ZPBP: variants seen among roughly 807,000 people sequenced by gnomAD.
ZPBP encodes the protein zona pellucida binding protein.
In ZPBP, 26 loss-of-function variants were observed where a neutral mutation model predicts 44.8. The ratio of observed to expected loss-of-function variants is 0.58; its 90% confidence interval spans 0.43 to 0.81. The LOEUF is 0.81. ZPBP is among the 30% of genes least tolerant of loss of function. ZPBP has a pLI of 0.00. For synonymous variants in ZPBP, 174 were observed against 153.2 expected (o/e 1.14, Z -1.00); for missense variants, 409 against 434.0 (o/e 0.94, Z 0.51).
chr7:50,022,710 C>G (rs1014928046), intron 5 of ZPBP, among the ~76,000 whole-genome samples: 1 of 151,974 alleles, frequency 6.6e-6, no homozygotes, highest in Non-Finnish European at 1.5e-5. Context: ...TTTTCTTAGA[C>G]CCATCAGAAA....
intron 6 of ZPBP, among the ~76,000 whole-genome samples, chr7:49,992,078 G>A (rs1180855698): frequency 6.6e-6 from 1 of 152,078 alleles, no homozygotes; most frequent in Non-Finnish European, 1.5e-5. Flanking sequence ...ACAAAGGGGA[G>A]AAAACAAGGA....
chr7:50,077,832 G>A (rs1321486970), intron 3 of ZPBP, among the ~76,000 whole-genome samples: 5 of 151,854 alleles, frequency 3.3e-5, no homozygotes, highest in South Asian at 2.1e-4. Flanking sequence ...GAACAGTTTG[G>A]AGGCTTCTCA....
At chr7:49,967,890 G>A (rs1312451814) in intron 7 of ZPBP, among the ~76,000 whole-genome samples, 2 of 152,082 alleles carry the variant, frequency 1.3e-5, no homozygotes, top group Non-Finnish European at 2.9e-5. Context: ...TGGATGGGCA[G>A]GAATTTTTGA....
chr7:49,904,880 C>G (rs1031751582), intron 1 of ZPBP, among the ~76,000 whole-genome samples: 4 of 151,818 alleles, frequency 2.6e-5, no homozygotes. Context: ...GGATTATAGG[C>G]ACCTGCCACT....
intron 3 of ZPBP, among the ~76,000 whole-genome samples, chr7:50,064,420 G>A (rs543133987): frequency 2.2e-4 from 33 of 152,206 alleles, no homozygotes; most frequent in East Asian, 5.8e-4. Context: ...GAGATCAACC[G>A]GTCTGACCAA....
At chr7:49,853,961 G>A (rs541222769) in intron 2 of ZPBP, among the ~76,000 whole-genome samples, 34 of 150,130 alleles carry the variant, frequency 2.3e-4, no homozygotes, top group Non-Finnish European at 4.3e-4. Context: ...GAGAACATGC[G>A]GTGTTTGGTT....
chr7:49,892,775 T>C (rs1281930474), intron 2 of ZPBP, among the ~76,000 whole-genome samples: 1 of 152,230 alleles, frequency 6.6e-6, no homozygotes, highest in Non-Finnish European at 1.5e-5. Context: ...TATTCGTTCA[T>C]TTTTCAAACA....
At chr7:49,982,450 TC>T (rs1414029765) in intron 7 of ZPBP, among the ~76,000 whole-genome samples, 1 of 146,250 alleles carries the variant, frequency 6.8e-6, no homozygotes, top group Non-Finnish European at 1.5e-5. Context: ...GTATTCTATT[TC>T]CTAATATTCC....
chr7:49,897,795 GA>G (rs1792463323), intron 2 of ZPBP, among the ~76,000 whole-genome samples: 1 of 152,180 alleles, frequency 6.6e-6, no homozygotes, highest in Admixed American at 6.5e-5. Flanking sequence ...GGACAAGCTT[GA>G]AAGTAAAAAA....
At chr7:49,895,638 A>G (rs1275291754) in intron 2 of ZPBP, among the ~76,000 whole-genome samples, 3 of 152,162 alleles carry the variant, frequency 2.0e-5, no homozygotes, top group Non-Finnish European at 2.9e-5. Context: ...AATCAACACA[A>G]TGTAACATAT....
At chr7:49,858,964 A>G (rs1790539229) in intron 2 of ZPBP, among the ~76,000 whole-genome samples, 1 of 152,198 alleles carries the variant, frequency 6.6e-6, no homozygotes, top group Non-Finnish European at 1.5e-5. Context: ...GTTTATCAGA[A>G]TATGTCAGGA....
At chr7:50,055,268 A>G (rs1017956149) in intron 4 of ZPBP, among the ~76,000 whole-genome samples, 1 of 152,178 alleles carries the variant, frequency 6.6e-6, no homozygotes, top group African/African-American at 2.4e-5. Flanking sequence ...GAAACAAACT[A>G]AATAATAATT....
intron 4 of ZPBP, among the ~76,000 whole-genome samples, chr7:50,037,029 C>A (rs1799859121): frequency 6.6e-6 from 1 of 151,840 alleles, no homozygotes; most frequent in Admixed American, 6.6e-5. Context: ...CTACACAAAA[C>A]ACTATAAATA....
intron 5 of ZPBP, among the ~76,000 whole-genome samples, chr7:50,018,667 CTA>C (rs1328530651): frequency 1.3e-5 from 2 of 151,834 alleles, no homozygotes; most frequent in African/African-American, 4.8e-5. Context: ...GTATTTAACT[CTA>C]TATAATATAC....
intron 2 of ZPBP, among the ~76,000 whole-genome samples, chr7:49,886,068 T>G (rs1354098883): frequency 6.6e-6 from 1 of 152,122 alleles, no homozygotes; most frequent in African/African-American, 2.4e-5. Context: ...AGCCTGGAGA[T>G]AGGGGAGAGG....
Position 49,982,247 on chromosome 7 carries a change from T to A in ZPBP, c.961+1095A>T, listed in dbSNP as rs1487313781. 3.7e-5 allele frequency among the ~76,000 whole-genome samples: 4 copies of A among 109,410 alleles called. No individual in the cohort carries two copies. The Admixed American group carries it at 5.4e-4, about 15-fold the overall frequency. The allele number at this position is 109,410 out of a possible 152,430, so 71.8% of individuals were successfully genotyped here. A position where few individuals can be genotyped will look rare whatever the true frequency, so the allele number is the denominator to read the frequency against. On this transcript the variant is annotated intron_variant, in intron 7 of 7. Transcript: ENST00000046087. Reference sequence around the variant, plus strand: ...TATATAATATATAATATAATTATATTATATATTTATATTATATATTATATA... The same window carrying A: ...TATATAATATATAATATAATTATATAATATATTTATATTATATATTATATA...
chr7:50,048,513 TAAAATTA>T (rs1030245352), intron 4 of ZPBP, among the ~76,000 whole-genome samples: 2 of 151,914 alleles, frequency 1.3e-5, no homozygotes, highest in Non-Finnish European at 2.9e-5. Context: ...TCTGATAAAG[TAAAATTA>T]AAAATCAGCA....
intron 2 of ZPBP, among the ~76,000 whole-genome samples, chr7:49,877,861 C>T (rs1466824375): frequency 2.0e-5 from 3 of 152,034 alleles, no homozygotes; most frequent in African/African-American, 7.2e-5. Flanking sequence ...TGTTAAGCAA[C>T]TGCCACTTTG....
intron 6 of ZPBP, among the ~76,000 whole-genome samples, chr7:49,988,110 G>C (rs1797397198): frequency 6.6e-6 from 1 of 152,040 alleles, no homozygotes; most frequent in Non-Finnish European, 1.5e-5. Flanking sequence ...TGTAAATTAA[G>C]CATTAAAAGC....
Sources: gnomAD v4.1 joint callset for allele counts (sites outside exome capture counted in the v4.1 genomes callset) on GRCh38, gnomAD v4.1.1 for gene constraint, MANE v1.5 for transcripts, NCBI Gene and HGNC (gene_info 2026-07-23, HGNC 2026-07-21) for gene names.